Variants in SYCP2 observed in about 807,000 individuals in gnomAD.
The protein encoded by SYCP2 is synaptonemal complex protein 2.
SYCP2 carries 55 observed loss-of-function variants against 211.3 expected under a neutral mutation model. The ratio of observed to expected loss-of-function variants is 0.26; its 90% CI spans 0.21 to 0.33. The LOEUF (loss-of-function observed/expected upper bound fraction) is 0.33, where lower values mean the gene tolerates loss of function less well. SYCP2 is among the 10% of genes least tolerant of loss of function. The probability of loss-of-function intolerance (pLI) is 1.00; values close to 1 mark genes in which losing one functional copy is unlikely to be tolerated. For missense variants in SYCP2, 1,731 were observed against 1,752.0 expected, an observed-to-expected ratio of 0.99 and a Z score of 0.21; for synonymous variants, 570 against 555.2, an observed-to-expected ratio of 1.03 and a Z score of -0.37.
chr20:59,886,805 G>T lies in SYCP2; in HGVS notation c.2394C>A (p.Thr798=). Residue 798 remains threonine (T), a synonymous_variant, in exon 25 of 45, where the codon ACC becomes ACA. Coordinates refer to ENST00000357552, the MANE Select transcript of SYCP2 (RefSeq NM_014258.4). ...MREKSKGKEF[T]NVAESLISQI... Reference sequence around the variant, plus strand: ...GGCTTATCAAGGATTCTGCTACATTGGTAAATTCTTTCCCTTTTGACTTTT... The same window carrying T: ...GGCTTATCAAGGATTCTGCTACATTTGTAAATTCTTTCCCTTTTGACTTTT... 3 of 1,583,370 alleles carry T rather than the reference G, an allele frequency of 1.9e-6. No individual in the cohort carries two copies. Among genetic ancestry groups the T allele is most frequent in the South Asian group, 2.3e-5 (2 of 85,774 alleles).
intron 26 of SYCP2, among the ~76,000 whole-genome samples, chr20:59,884,320 T>C (rs1231015662): frequency 1.3e-5 from 2 of 152,020 alleles, no homozygotes; most frequent in Non-Finnish European, 2.9e-5. Flanking sequence ...GAAAAAAATA[T>C]GTGTTAAATT....
chr20:59,904,669 C>T lies in SYCP2; in HGVS notation c.1033+2695G>A, dbSNP rs1600923436. On this transcript the variant is annotated intron_variant, in intron 15 of 44. Coordinates refer to ENST00000357552, the MANE Select transcript of SYCP2 (RefSeq NM_014258.4). ...CTGATCGAGAGAGGAAACAACAGATCTTTTTAGAAGAAGACTATATTAGTC... is the reference window on the plus strand; with the variant it reads ...CTGATCGAGAGAGGAAACAACAGATTTTTTTAGAAGAAGACTATATTAGTC... 2.6e-5 allele frequency among the ~76,000 whole-genome samples: 4 copies of T among 152,184 alleles called. 1 individual carries two copies. Among genetic ancestry groups the T allele is most frequent in the Admixed American group, 2.6e-4 (4 of 15,276 alleles).
chr20:59,900,525 TAA>T (rs1207038734), intron 17 of SYCP2, among the ~76,000 whole-genome samples: 3 of 152,152 alleles, frequency 2.0e-5, no homozygotes. Flanking sequence ...TTTAAAGTTT[TAA>T]AGTTACTAAA....
intron 32 of SYCP2, 130 bp downstream of exon 32, chr20:59,877,878 C>T: frequency 1.4e-6 from 1 of 702,424 alleles, no homozygotes; most frequent in Non-Finnish European, 2.3e-6. Context: ...AGAAAGTGTG[C>T]AAAAGAAGGA....
In SYCP2 at chr20:59,921,313, G is replaced by C; in HGVS notation, c.165C>G (p.Cys55Trp). The change falls in exon 4 of 45, where the codon TGC (cysteine) becomes TGG (tryptophan). Residue 55 changes from cysteine to tryptophan, a missense_variant. Cys to Trp is a radical substitution (Grantham distance 215, BLOSUM62 -2). Transcript: ENST00000357552. Reference sequence around the variant, plus strand: ...TTCAGCAAAAATGAATATTTACCCTGCATATAAGGTTGTCCACCTTGTGGA... The same window carrying C: ...TTCAGCAAAAATGAATATTTACCCTCCATATAAGGTTGTCCACCTTGTGGA... ...QFFHKVDNLICRELNKEDIHN... is the reference protein window; with the variant it reads ...QFFHKVDNLIWRELNKEDIHN... The C allele has an allele frequency of 1.3e-6, 2 of 1,594,018 alleles. No homozygotes were observed. Among genetic ancestry groups the C allele is most frequent in the Non-Finnish European group, 1.7e-6 (2 of 1,169,684 alleles).
intron 33 of SYCP2, among the ~76,000 whole-genome samples, chr20:59,876,479 T>C (rs1006369566): frequency 7.0e-6 from 1 of 142,418 alleles, no homozygotes; most frequent in South Asian, 2.3e-4. Flanking sequence ...AGAGATAAGA[T>C]TGCAAACAAG....
At chr20:59,912,031 T>TA (rs1336717457) in intron 13 of SYCP2, 186 bp from the exon 14 acceptor site, 9 of 430,396 alleles carry the variant, frequency 2.1e-5, no homozygotes, top group East Asian at 7.4e-5. Context: ...TAATATTTTA[T>TA]AAAAAATCAA....
rs370112100 is a variant in SYCP2 at position 59,867,540 on chromosome 20, A to G, written c.4125+171T>C. Among the ~76,000 whole-genome samples, 30 of 152,030 alleles carry G rather than the reference A, an allele frequency of 2.0e-4. No individual in the cohort carries two copies. The East Asian group carries it at 5.4e-3, about 27-fold the overall frequency. On this transcript the variant is annotated intron_variant, in intron 39 of 44. Transcript: ENST00000357552. ...AAAGAGAAAAAAGTAGTAGCAAAAGAAAGAATACGGGTAATATACAGATTT... is the reference window on the plus strand; with the variant it reads ...AAAGAGAAAAAAGTAGTAGCAAAAGGAAGAATACGGGTAATATACAGATTT...
At chr20:59,901,873 A>C in intron 15 of SYCP2, 63 bp from the exon 16 acceptor site, 3 of 1,266,250 alleles carry the variant, frequency 2.4e-6, no homozygotes. Context: ...GTATACTATA[A>C]ATAAGACATG....
At chr20:59,913,508 G>T (rs1429740494) in intron 12 of SYCP2, among the ~76,000 whole-genome samples, 3 of 151,994 alleles carry the variant, frequency 2.0e-5, no homozygotes, top group African/African-American at 7.2e-5. Flanking sequence ...ATCCTTTCAT[G>T]CCCCTCAGAA....
At chr20:59,885,192 A>G (rs2145695773) in intron 26 of SYCP2, 1 of 152,258 alleles carries the variant, frequency 6.6e-6, no homozygotes, top group African/African-American at 2.4e-5. Flanking sequence ...AAAGTGAGCC[A>G]GTCTATGTTT....
At chr20:59,871,202 A>G (rs1187573454) in intron 35 of SYCP2, among the ~76,000 whole-genome samples, 1 of 151,984 alleles carries the variant, frequency 6.6e-6, no homozygotes, top group Non-Finnish European at 1.5e-5. Flanking sequence ...CAAACAGGAA[A>G]TTCACAAAAT....
At position 59,867,825 on chromosome 20, in the gene SYCP2, T is replaced by A. The variant is rs2059380782; in HGVS notation, c.4011A>T (p.Leu1337Phe). Reference sequence around the variant, plus strand: ...AAGGAATAGAAAAGTCATTTGTTGATAATGAAGATACACTTTCAGACACTA... The same window carrying A: ...AAGGAATAGAAAAGTCATTTGTTGAAAATGAAGATACACTTTCAGACACTA... Reference protein sequence around the residue: ...IHKMSESVSSLSTNDFSIPWE... With the variant: ...IHKMSESVSSFSTNDFSIPWE... Residue 1337 changes from leucine to phenylalanine, a missense_variant, in exon 39 of 45, where the codon TTA becomes TTT. Physicochemically the swap from Leu to Phe is conservative, Grantham distance 22 (BLOSUM62 0). Around this residue, in one of 3 missense-constraint regions of SYCP2, gnomAD observed 1,387 missense variants for 1,351.3 expected, o/e 1.03. Coordinates refer to ENST00000357552, the MANE Select transcript of SYCP2 (RefSeq NM_014258.4). 6.2e-7 allele frequency: 1 copy of A among 1,608,110 alleles called. No homozygotes were observed. Among genetic ancestry groups the A allele is most frequent in the East Asian group, 2.2e-5 (1 of 44,664 alleles).
At chr20:59,867,036 GAAACAGA>G (rs1476950715) in intron 39 of SYCP2, among the ~76,000 whole-genome samples, 24 of 70,312 alleles carry the variant, frequency 3.4e-4, no homozygotes, top group Non-Finnish European at 5.9e-4. Flanking sequence ...AAAAAAAAAA[GAAACAGA>G]AAAAACAAGC....
chr20:59,919,362 G>C, intron 6 of SYCP2, 131 bp downstream of exon 6: 1 of 747,382 alleles, frequency 1.3e-6, no homozygotes, highest in Admixed American at 2.7e-5. Context: ...TATACAATCT[G>C]AACAGACCAA....
chr20:59,875,037 T>C (rs901655179), intron 34 of SYCP2, among the ~76,000 whole-genome samples: 8 of 152,092 alleles, frequency 5.3e-5, no homozygotes, highest in African/African-American at 1.9e-4. Flanking sequence ...TTATTTTCCA[T>C]ATTAAAGCAT....
chr20:59,919,083 T>C, intron 7 of SYCP2, 75 bp downstream of exon 7: 1 of 804,826 alleles, frequency 1.2e-6, no homozygotes, highest in South Asian at 1.6e-5. Context: ...GACAACACAA[T>C]GGGAATTGTA....
chr20:59,896,955 C>T lies in SYCP2; in HGVS notation c.1405-427G>A, dbSNP rs950947356. On this transcript the variant is annotated intron_variant, in intron 18 of 44. Transcript: ENST00000357552. ...TTAAGCTTTCTTCAAAACATTCACA[C>T]ATTTTTGAAAATTGTACTAATAATC... Among the ~76,000 whole-genome samples the T allele has an allele frequency of 1.4e-4, 22 of 152,132 alleles. 1 individual carries two copies. Among genetic ancestry groups the T allele is most frequent in the South Asian group, 6.2e-4 (3 of 4,830 alleles).
At chr20:59,915,988 C>A (rs2060433041) in intron 8 of SYCP2, among the ~76,000 whole-genome samples, 1 of 151,654 alleles carries the variant, frequency 6.6e-6, no homozygotes, top group African/African-American at 2.4e-5. Context: ...GCAAGACTCT[C>A]TCAAAAAAAT....
Sources: allele counts gnomAD v4.1 joint callset (sites outside exome capture counted in the v4.1 genomes callset), GRCh38; gene constraint gnomAD v4.1.1; regional missense constraint gnomAD v4.1.1; transcripts MANE v1.5; gene names NCBI Gene and HGNC (gene_info 2026-07-23, HGNC 2026-07-21).